Variants in FA2H observed in about 807,000 individuals in gnomAD.
The protein encoded by FA2H is fatty acid alpha-hydroxylase.
In FA2H, 22 loss-of-function variants were observed where a neutral mutation model predicts 44.9. The ratio of observed to expected loss-of-function variants is 0.49; its 90% confidence interval spans 0.35 to 0.70. The LOEUF (loss-of-function observed/expected upper bound fraction) is 0.70. Ranked by LOEUF, FA2H falls within the 30% of genes least tolerant of loss-of-function variation. The pLI is 0.01. For missense variants in FA2H, 501 were observed against 504.9 expected (o/e 0.99, Z 0.07); for synonymous variants, 243 against 213.2 (o/e 1.14, Z -1.22).
intron 6 of FA2H, 75 bp from the exon 7 acceptor site, chr16:74,714,344 G>GGGTA: frequency 2.1e-6 from 2 of 934,254 alleles, no homozygotes; most frequent in Non-Finnish European, 3.4e-6. Context: ...AAGGGTGCCA[G>GGGTA]GGTAGGGATA....
intron 4 of FA2H, 79 bp from the exon 5 acceptor site, chr16:74,719,239 C>A: frequency 7.6e-7 from 1 of 1,313,866 alleles, no homozygotes; most frequent in South Asian, 1.2e-5. Context: ...CCTCACCATC[C>A]CCATCAGCTC....
intron 2 of FA2H, among the ~76,000 whole-genome samples, chr16:74,734,630 T>C (rs1597552263): frequency 6.6e-6 from 1 of 152,090 alleles, no homozygotes; most frequent in Admixed American, 6.5e-5. Context: ...GCCCAGAGGG[T>C]GGGCGGAAGG....
At chr16:74,769,552 T>C (rs781108407) in intron 1 of FA2H, among the ~76,000 whole-genome samples, 15 of 152,200 alleles carry the variant, frequency 9.9e-5, no homozygotes, top group Non-Finnish European at 1.9e-4. Context: ...GAAAGACTTA[T>C]ACAATCTGAA....
chr16:74,719,711 ATTTATTT>A (rs1199879873), intron 4 of FA2H, among the ~76,000 whole-genome samples: 4 of 151,954 alleles, frequency 2.6e-5, no homozygotes, highest in Non-Finnish European at 4.4e-5. Context: ...CTAATTTTAA[ATTTATTT>A]TTTATTTTTA....
At chr16:74,719,599 G>A (rs1278799604) in intron 4 of FA2H, among the ~76,000 whole-genome samples, 2 of 152,210 alleles carry the variant, frequency 1.3e-5, no homozygotes, top group African/African-American at 2.4e-5. Context: ...GGGCAGTGGT[G>A]TGATTACAGC....
rs184336017 is a variant in FA2H, at chr16:74,734,238, G to T, written c.363+5785C>A. 2.9e-3 allele frequency among the ~76,000 whole-genome samples: 444 copies of T among 152,296 alleles called. 2 individuals are homozygous for T. The highest frequency in any genetic ancestry group is 0.01 in the African/African-American group (429 of 41,570). ...TTCCCAGGCATCTGGGGGCTCCCACGGCTCCCCCTACAGTAACAAGTCCCC... is the reference window on the plus strand; with the variant it reads ...TTCCCAGGCATCTGGGGGCTCCCACTGCTCCCCCTACAGTAACAAGTCCCC... On this transcript the variant is annotated intron_variant, in intron 2 of 6. Transcript: ENST00000219368.
chr16:74,741,959 T>C (rs1388285918), intron 1 of FA2H, among the ~76,000 whole-genome samples: 1 of 151,292 alleles, frequency 6.6e-6, no homozygotes, highest in East Asian at 1.9e-4. Flanking sequence ...AAATATCCAA[T>C]ATAAATGTCC....
At chr16:74,727,509 C>T in intron 2 of FA2H, 123 bp from the exon 3 acceptor site, 1 of 1,022,932 alleles carries the variant, frequency 9.8e-7, no homozygotes, top group Non-Finnish European at 1.5e-6. Flanking sequence ...CTGTGTGGGG[C>T]CACCCACCCT....
At chr16:74,759,742 C>T (rs1336671282) in intron 1 of FA2H, among the ~76,000 whole-genome samples, 2 of 152,214 alleles carry the variant, frequency 1.3e-5, no homozygotes, top group African/African-American at 2.4e-5. Flanking sequence ...GCTCTGTCTG[C>T]CTATGGGATA....
At chr16:74,733,472 C>A (rs560139875) in intron 2 of FA2H, among the ~76,000 whole-genome samples, 6 of 152,170 alleles carry the variant, frequency 3.9e-5, no homozygotes, top group Non-Finnish European at 7.3e-5. Context: ...GCAGCCTCCA[C>A]ACAGTTTCCC....
intron 2 of FA2H, among the ~76,000 whole-genome samples, chr16:74,731,810 T>G (rs1962076245): frequency 6.6e-6 from 1 of 152,248 alleles, no homozygotes; most frequent in African/African-American, 2.4e-5. Flanking sequence ...TTGCAGTTGT[T>G]GCTGTAAAGA....
At chr16:74,753,693 T>C (rs1032740000) in intron 1 of FA2H, among the ~76,000 whole-genome samples, 1 of 151,874 alleles carries the variant, frequency 6.6e-6, no homozygotes, top group African/African-American at 2.4e-5. Context: ...AATAACCCCA[T>C]AAGCACTGCC....
At chr16:74,731,715 C>T (rs149011819) in intron 2 of FA2H, among the ~76,000 whole-genome samples, 92 of 152,176 alleles carry the variant, frequency 6.0e-4, no homozygotes, top group African/African-American at 2.1e-3. Context: ...CTCTGTTCTT[C>T]CTTTGTCTTG....
chr16:74,728,780 C>CTTTTTTTTTTTTTTT (rs935652907), intron 2 of FA2H, among the ~76,000 whole-genome samples: 1 of 113,966 alleles, frequency 8.8e-6, no homozygotes, highest in Admixed American at 9.4e-5. Flanking sequence ...TTATCTCTTT[C>CTTTTTTTTTTTTTTT]TTTTTTTTTT....
Position 74,714,122 on chromosome 16 carries a change from G to A in FA2H, c.*68C>T. 1 of 966,346 alleles carries A rather than the reference G, an allele frequency of 1.0e-6. No homozygotes were observed. The highest frequency in any genetic ancestry group is 1.6e-6 in the Non-Finnish European group (1 of 620,558). The allele number at this position is 966,346 out of a possible 1,614,324, so 59.9% of individuals were successfully genotyped here. A position where few individuals can be genotyped will look rare whatever the true frequency, so the allele number is the denominator to read the frequency against. ...CAAGCCAACCTTCTTAATGGGGTCT[G>A]AATGGCGGGTGGGGGTCGGGAAGGG... On this transcript the variant is annotated 3_prime_UTR_variant, in exon 7 of 7. Transcript: ENST00000219368.
intron 1 of FA2H, among the ~76,000 whole-genome samples, chr16:74,754,681 C>T (rs1597566324): frequency 6.6e-6 from 1 of 152,016 alleles, no homozygotes; most frequent in Admixed American, 6.6e-5. Flanking sequence ...GTGCACGCCA[C>T]CACATCCGGG....
At chr16:74,743,190 C>A (rs922902560) in intron 1 of FA2H, among the ~76,000 whole-genome samples, 2 of 152,180 alleles carry the variant, frequency 1.3e-5, no homozygotes, top group African/African-American at 4.8e-5. Flanking sequence ...ACAATTACAA[C>A]AACATTCTGT....
rs554161533 is a variant in FA2H, at chr16:74,734,161, T to A, written c.363+5862A>T. 7.5e-4 allele frequency among the ~76,000 whole-genome samples: 115 copies of A among 152,342 alleles called. 1 individual carries two copies. The highest frequency in any genetic ancestry group is 2.6e-3 in the African/African-American group (110 of 41,586). On this transcript the variant is annotated intron_variant, in intron 2 of 6. Coordinates refer to ENST00000219368, the MANE Select transcript of FA2H (RefSeq NM_024306.5). Reference sequence around the variant, plus strand: ...GGCATGGGTCTGTGGGCTATGTACGTGGCTCGGGTGGGGGAGAAGGGGAGA... The same window carrying A: ...GGCATGGGTCTGTGGGCTATGTACGAGGCTCGGGTGGGGGAGAAGGGGAGA...
intron 1 of FA2H, among the ~76,000 whole-genome samples, chr16:74,752,708 A>G (rs919612234): frequency 6.6e-6 from 1 of 152,100 alleles, no homozygotes; most frequent in East Asian, 1.9e-4. Context: ...TTGCGGCTGA[A>G]TGGAGGAAGG....
Sources: gnomAD v4.1 joint callset for allele counts (sites outside exome capture counted in the v4.1 genomes callset) on GRCh38, gnomAD v4.1.1 for gene constraint, MANE v1.5 for transcripts, NCBI Gene and HGNC (gene_info 2026-07-23, HGNC 2026-07-21) for gene names.